The following CPQ variants were observed in gnomAD, a reference collection of about 807,000 sequenced individuals.
The protein encoded by CPQ is Ser-Met dipeptidase.
Under a neutral mutation model 45.7 loss-of-function variants are expected in CPQ, and 37 were observed. That is an observed-to-expected ratio of 0.81 (90% confidence interval 0.62 to 1.07). The LOEUF is 1.07. CPQ is among the 50% of genes least tolerant of loss of function. The pLI, the probability that CPQ is intolerant of heterozygous loss-of-function variation, is 0.00. For missense variants in CPQ, 537 were observed against 572.9 expected, an observed-to-expected ratio of 0.94 and a Z score of 0.64; for synonymous variants, 186 against 205.8, an observed-to-expected ratio of 0.90 and a Z score of 0.82.
intron 1 of CPQ, among the ~76,000 whole-genome samples, chr8:96,652,914 G>A (rs370610937): frequency 3.3e-5 from 5 of 152,188 alleles, no homozygotes; most frequent in Non-Finnish European, 7.3e-5. Flanking sequence ...GATTACAGGC[G>A]TGAGCCACCG....
chr8:97,139,535 A>G (rs1051069244), intron 7 of CPQ, among the ~76,000 whole-genome samples: 5 of 152,148 alleles, frequency 3.3e-5, no homozygotes, highest in African/African-American at 7.2e-5. Context: ...AAGAATCTAT[A>G]TCATACAGCC....
At chr8:97,039,816 T>TC (rs1195976637) in intron 6 of CPQ, among the ~76,000 whole-genome samples, 1 of 152,182 alleles carries the variant, frequency 6.6e-6, no homozygotes. Context: ...CATGAACTCA[T>TC]CATTTTTATG....
intron 1 of CPQ, among the ~76,000 whole-genome samples, chr8:96,683,870 A>G (rs968103790): frequency 1.3e-5 from 2 of 150,752 alleles, no homozygotes; most frequent in African/African-American, 2.4e-5. Flanking sequence ...TATTGAATTC[A>G]TCAGTTCCAG....
chr8:96,776,423 C>T (rs1810605672), intron 1 of CPQ, among the ~76,000 whole-genome samples: 1 of 152,114 alleles, frequency 6.6e-6, no homozygotes, highest in South Asian at 2.1e-4. Flanking sequence ...AAGTAACTGT[C>T]ACAATAAAAG....
chr8:96,837,584 T>G (rs1443148647), intron 3 of CPQ, among the ~76,000 whole-genome samples: 1 of 152,164 alleles, frequency 6.6e-6, no homozygotes, highest in African/African-American at 2.4e-5. Context: ...GTTTGACCTG[T>G]GTATCCTCAT....
At chr8:96,651,231 G>A (rs1815572780) in intron 1 of CPQ, among the ~76,000 whole-genome samples, 1 of 152,216 alleles carries the variant, frequency 6.6e-6, no homozygotes, top group Admixed American at 6.5e-5. Context: ...AATGGAGAGA[G>A]AAGCCCAGCA....
intron 1 of CPQ, among the ~76,000 whole-genome samples, chr8:96,739,881 G>A (rs1425666620): frequency 1.3e-5 from 2 of 152,106 alleles, no homozygotes. Context: ...AGTATAGTTT[G>A]AAGTCAGGTA....
intron 1 of CPQ, among the ~76,000 whole-genome samples, chr8:96,705,839 T>C (rs1034631494): frequency 6.6e-6 from 1 of 152,174 alleles, no homozygotes; most frequent in African/African-American, 2.4e-5. Context: ...TGTACAGTTA[T>C]CACCTTTCCC....
chr8:97,123,189 TAAAATAAAATAAAATAA>T (rs1371919199), intron 7 of CPQ, among the ~76,000 whole-genome samples: 69 of 59,260 alleles, frequency 1.2e-3, no homozygotes, highest in Admixed American at 4.3e-3. Context: ...TAAAATAAAA[TAAAATAAAATAAAATAA>T]AAAATAAAAT....
intron 1 of CPQ, among the ~76,000 whole-genome samples, chr8:96,690,303 C>G (rs1809289485): frequency 6.6e-6 from 1 of 152,140 alleles, no homozygotes; most frequent in African/African-American, 2.4e-5. Flanking sequence ...TCTGGATCAG[C>G]TACCTGTAAA....
chr8:96,982,526 A>G (rs1813920973), intron 5 of CPQ, among the ~76,000 whole-genome samples: 1 of 152,060 alleles, frequency 6.6e-6, no homozygotes, highest in South Asian at 2.1e-4. Context: ...TCTTTTTTAT[A>G]GAGACAGGGT....
At position 97,021,392 on chromosome 8, in the gene CPQ, GAAAT is replaced by G. The variant is rs571646357; in HGVS notation, c.962-8007_962-8004del. Among the ~76,000 whole-genome samples, 502 of 152,230 alleles carry G rather than the reference GAAAT, an allele frequency of 3.3e-3. 4 individuals carry two copies. The highest frequency in any genetic ancestry group is 2.5e-3 in the Non-Finnish European group (168 of 67,988). The stretch of plus-strand genomic sequence containing the variant: ...AGCCAGAGCAGTCAGACAAGAGAAA[GAAAT>G]AAAGGGCATCCAAATTGGGACTCCC... On this transcript the variant is annotated intron_variant, in intron 5 of 7. Coordinates refer to ENST00000220763, the MANE Select transcript of CPQ (RefSeq NM_016134.4).
At chr8:96,804,555 T>C (rs185607428) in intron 2 of CPQ, among the ~76,000 whole-genome samples, 3 of 152,162 alleles carry the variant, frequency 2.0e-5, no homozygotes, top group Admixed American at 6.5e-5. Context: ...GTTTTTTTTT[T>C]CAGGAAAATA....
chr8:96,865,544 A>G (rs555807521), intron 3 of CPQ, among the ~76,000 whole-genome samples: 1 of 152,058 alleles, frequency 6.6e-6, no homozygotes, highest in South Asian at 2.1e-4. Context: ...TTCCTATTCC[A>G]CTCAACTTCA....
intron 4 of CPQ, among the ~76,000 whole-genome samples, chr8:96,943,575 G>T (rs1291212374): frequency 6.6e-6 from 1 of 152,098 alleles, no homozygotes; most frequent in African/African-American, 2.4e-5. Context: ...CTTGCATAAT[G>T]TTGCACAGCA....
In CPQ at chr8:96,978,855, G is replaced by A. The variant is rs141037604; in HGVS notation, c.961+12809G>A. ...AAACCTAGGCTACCTTATTGCAATGGTATCATCACTGTATCACACACTTGG... is the reference window on the plus strand; with the variant it reads ...AAACCTAGGCTACCTTATTGCAATGATATCATCACTGTATCACACACTTGG... On this transcript the variant is annotated intron_variant, in intron 5 of 7. Transcript: ENST00000220763. Among the ~76,000 whole-genome samples, 451 of 152,132 alleles carry A rather than the reference G, an allele frequency of 3.0e-3. 1 individual carries two copies. The highest frequency in any genetic ancestry group is 0.01 in the African/African-American group (417 of 41,502).
chr8:96,846,010 G>T (rs1439514308), intron 3 of CPQ, among the ~76,000 whole-genome samples: 1 of 152,052 alleles, frequency 6.6e-6, no homozygotes, highest in Non-Finnish European at 1.5e-5. Flanking sequence ...TAGAGATAGG[G>T]TTTCTCCATG....
chr8:97,013,643 A>G (rs577486153), intron 5 of CPQ, among the ~76,000 whole-genome samples: 96 of 152,324 alleles, frequency 6.3e-4, no homozygotes, highest in African/African-American at 2.3e-3. Flanking sequence ...GATGGCATAA[A>G]TGGTGTGAGG....
At chr8:96,961,652 T>C (rs1813463114) in intron 4 of CPQ, among the ~76,000 whole-genome samples, 1 of 152,190 alleles carries the variant, frequency 6.6e-6, no homozygotes, top group South Asian at 2.1e-4. Context: ...CACTTAAAAC[T>C]ATCATTATAT....
Sources: allele counts gnomAD v4.1 joint callset (sites outside exome capture counted in the v4.1 genomes callset), GRCh38; gene constraint gnomAD v4.1.1; transcripts MANE v1.5; gene names NCBI Gene and HGNC (gene_info 2026-07-23, HGNC 2026-07-21).